EPHA6: variants seen among roughly 807,000 people sequenced by gnomAD.
EPHA6 encodes ephrin type-A receptor 6.
EPHA6 carries 50 observed loss-of-function variants against 112.0 expected under a neutral mutation model. That is an observed-to-expected ratio of 0.45 (90% CI 0.36 to 0.56). The LOEUF is 0.56. Among genes scored for constraint, EPHA6 ranks in the 20% least tolerant of loss-of-function variants. EPHA6 has a pLI of 0.00. For synonymous variants in EPHA6, 529 were observed against 490.7 expected (o/e 1.08, Z -1.03); for missense variants, 1,280 against 1,417.4 (o/e 0.90, Z 1.56).
intron 2 of EPHA6, among the ~76,000 whole-genome samples, chr3:96,985,836 G>C (rs977834617): frequency 2.0e-5 from 3 of 151,770 alleles, no homozygotes; most frequent in Non-Finnish European, 2.9e-5. Flanking sequence ...TAGGCATTCT[G>C]TTAGAAACTA....
At chr3:97,632,875 T>C (rs1356250091) in intron 13 of EPHA6, among the ~76,000 whole-genome samples, 1 of 152,068 alleles carries the variant, frequency 6.6e-6, no homozygotes, top group African/African-American at 2.4e-5. Context: ...AGTCACAGGG[T>C]AAGATTTGTG....
At chr3:96,960,598 T>G (rs1255608555) in intron 2 of EPHA6, among the ~76,000 whole-genome samples, 1 of 152,190 alleles carries the variant, frequency 6.6e-6, no homozygotes, top group Non-Finnish European at 1.5e-5. Context: ...GTGTTCTCAT[T>G]AGCACATTTA....
At chr3:97,426,099 G>A (rs2089097581) in intron 6 of EPHA6, among the ~76,000 whole-genome samples, 1 of 152,124 alleles carries the variant, frequency 6.6e-6, no homozygotes, top group Non-Finnish European at 1.5e-5. Flanking sequence ...CTGTTACCCA[G>A]TTCCAAAGTT....
intron 1 of EPHA6, among the ~76,000 whole-genome samples, chr3:96,836,656 A>G (rs2034432810): frequency 6.6e-6 from 1 of 152,160 alleles, no homozygotes. Context: ...TAAACAGATG[A>G]GCCGTTCTAC....
rs2032617351 is a variant in EPHA6 at position 96,814,764 on chromosome 3, GAC to G, written c.144_145del (p.Pro50CysfsTer42). ...PGTSRRGRPG[T>X]PPAGRVEEEE... Reference sequence around the variant, plus strand: ...GGACCTCGCGCAGGGGGCGCCCCGGGACACCCCCTGCGGGCCGGGTGGAGGAG... The same window carrying G: ...GGACCTCGCGCAGGGGGCGCCCCGGGACCCCCTGCGGGCCGGGTGGAGGAG... On this transcript the variant is annotated frameshift_variant, in exon 1 of 18. Coordinates refer to ENST00000389672, the MANE Select transcript of EPHA6 (RefSeq NM_001080448.3). LOFTEE classifies it high-confidence loss of function. 6.2e-7 allele frequency: 1 copy of G among 1,601,792 alleles called. No homozygotes were observed. The highest frequency in any genetic ancestry group is 1.3e-5 in the African/African-American group (1 of 74,592).
At chr3:97,290,412 G>A (rs2080635562) in intron 5 of EPHA6, among the ~76,000 whole-genome samples, 1 of 152,156 alleles carries the variant, frequency 6.6e-6, no homozygotes. Flanking sequence ...TGTATAGTCT[G>A]TGGCTGATGG....
chr3:97,756,817 T>G lies in EPHA6; in HGVS notation c.*8116T>G, dbSNP rs1391699118. The stretch of plus-strand genomic sequence containing the variant: ...TGTAAAGATTATGGTGTGTGCTTGA[T>G]TTTGGATACATTATTATTCATTTTG... On this transcript the variant is annotated 3_prime_UTR_variant, in exon 18 of 18. Coordinates refer to ENST00000389672, the MANE Select transcript of EPHA6 (RefSeq NM_001080448.3). 1.3e-5 allele frequency among the ~76,000 whole-genome samples: 2 copies of G among 151,838 alleles called. No individual in the cohort carries two copies. The highest frequency in any genetic ancestry group is 3.0e-5 in the Non-Finnish European group (2 of 67,774).
At chr3:97,284,781 C>A (rs376456759) in intron 5 of EPHA6, among the ~76,000 whole-genome samples, 1 of 152,104 alleles carries the variant, frequency 6.6e-6, no homozygotes, top group African/African-American at 2.4e-5. Context: ...CCATTTGATT[C>A]TCCTCCCAAT....
chr3:97,237,725 T>G (rs1192318505), intron 4 of EPHA6, among the ~76,000 whole-genome samples: 4 of 152,062 alleles, frequency 2.6e-5, no homozygotes, highest in African/African-American at 9.7e-5. Context: ...CCCTCTGAAA[T>G]TATGACAGTG....
At chr3:97,644,019 C>A (rs1181900276) in intron 14 of EPHA6, among the ~76,000 whole-genome samples, 2 of 151,598 alleles carry the variant, frequency 1.3e-5, no homozygotes, top group African/African-American at 2.4e-5. Flanking sequence ...CTATTCCAAA[C>A]TTGACCACAT....
At chr3:97,234,453 A>T (rs994460998) in intron 4 of EPHA6, among the ~76,000 whole-genome samples, 2 of 152,166 alleles carry the variant, frequency 1.3e-5, no homozygotes, top group Non-Finnish European at 2.9e-5. Flanking sequence ...CATTCACTCT[A>T]CTACAAGAAG....
At chr3:96,961,580 G>T (rs2041949862) in intron 2 of EPHA6, among the ~76,000 whole-genome samples, 1 of 152,052 alleles carries the variant, frequency 6.6e-6, no homozygotes, top group Non-Finnish European at 1.5e-5. Flanking sequence ...AATTTCCTTT[G>T]CTATAGAAGA....
chr3:97,744,888 T>C (rs1286369515), intron 16 of EPHA6, among the ~76,000 whole-genome samples: 1 of 151,996 alleles, frequency 6.6e-6, no homozygotes, highest in African/African-American at 2.4e-5. Context: ...TTTAATTTTC[T>C]TCAGTTTTAA....
At chr3:97,535,898 C>A (rs1286917256) in intron 11 of EPHA6, among the ~76,000 whole-genome samples, 1 of 151,898 alleles carries the variant, frequency 6.6e-6, no homozygotes, top group African/African-American at 2.4e-5. Context: ...TTATAAAGTT[C>A]TTGGGAACAC....
chr3:97,457,814 C>T (rs1165484866), intron 7 of EPHA6, among the ~76,000 whole-genome samples: 1 of 151,870 alleles, frequency 6.6e-6, no homozygotes, highest in Non-Finnish European at 1.5e-5. Flanking sequence ...TGCCTGTAAT[C>T]CCAGCACTTT....
chr3:97,751,335 T>C lies in EPHA6; in HGVS notation c.*2634T>C, dbSNP rs1451308155. ...TATTTTTTCTTTCTCTAACATCTTT[T>C]GATAGTATCATAAAACTACTTTTTG... On this transcript the variant is annotated 3_prime_UTR_variant, in exon 18 of 18. Coordinates refer to ENST00000389672, the MANE Select transcript of EPHA6 (RefSeq NM_001080448.3). Among the ~76,000 whole-genome samples, 1 of 152,132 alleles carries C rather than the reference T, an allele frequency of 6.6e-6. No homozygotes were observed. The highest frequency in any genetic ancestry group is 1.5e-5 in the Non-Finnish European group (1 of 67,994).
At chr3:96,941,537 G>C (rs1480342400) in intron 2 of EPHA6, among the ~76,000 whole-genome samples, 1 of 152,134 alleles carries the variant, frequency 6.6e-6, no homozygotes, top group African/African-American at 2.4e-5. Context: ...TTTGCCATTG[G>C]TTTGAATTTC....
intron 5 of EPHA6, among the ~76,000 whole-genome samples, chr3:97,249,032 A>G (rs1332742823): frequency 1.3e-5 from 2 of 150,134 alleles, no homozygotes; most frequent in African/African-American, 5.0e-5. Context: ...AAACCTATGC[A>G]ATACTATTCA....
intron 5 of EPHA6, among the ~76,000 whole-genome samples, chr3:97,393,252 C>A (rs1292131203): frequency 6.6e-6 from 1 of 151,668 alleles, no homozygotes; most frequent in Non-Finnish European, 1.5e-5. Flanking sequence ...CAGAGTGGTC[C>A]AATTTGAGGA....
Sources: allele counts gnomAD v4.1 joint callset (sites outside exome capture counted in the v4.1 genomes callset), GRCh38; gene constraint gnomAD v4.1.1; transcripts MANE v1.5; gene names NCBI Gene and HGNC (gene_info 2026-07-23, HGNC 2026-07-21).